RUNX1: variants seen among roughly 807,000 people sequenced by gnomAD.
The protein encoded by RUNX1 is runt-related transcription factor 1.
In RUNX1, 19 loss-of-function variants were observed where a neutral mutation model predicts 42.8. The observed-to-expected ratio is 0.44, with a 90% CI of 0.31 to 0.65. RUNX1 has a LOEUF of 0.65. RUNX1 is among the 30% of genes least tolerant of loss of function. The probability of loss-of-function intolerance (pLI) is 0.07; values close to 1 mark genes in which losing one functional copy is unlikely to be tolerated. For synonymous variants in RUNX1, 271 were observed against 289.4 expected, an observed-to-expected ratio of 0.94 and a Z score of 0.64; for missense variants, 528 against 672.0, an observed-to-expected ratio of 0.79 and a Z score of 2.37.
intron 7 of RUNX1, among the ~76,000 whole-genome samples, chr21:34,830,869 C>T (rs2057053615): frequency 6.6e-6 from 1 of 152,178 alleles, no homozygotes; most frequent in Non-Finnish European, 1.5e-5. Context: ...AGAAGAACAA[C>T]AAAATGGGCT....
intron 2 of RUNX1, among the ~76,000 whole-genome samples, chr21:34,902,585 A>G (rs1266041696): frequency 6.6e-6 from 1 of 152,234 alleles, no homozygotes; most frequent in Non-Finnish European, 1.5e-5. Context: ...TCATTCACTC[A>G]GATTCCAAAT....
intron 2 of RUNX1, among the ~76,000 whole-genome samples, chr21:34,997,275 C>T (rs2059003366): frequency 6.6e-6 from 1 of 152,206 alleles, no homozygotes; most frequent in African/African-American, 2.4e-5. Flanking sequence ...ATGATCAATA[C>T]TGAGTCTTAA....
chr21:34,807,951 A>G (rs2056703425), intron 7 of RUNX1, among the ~76,000 whole-genome samples: 1 of 152,362 alleles, frequency 6.6e-6, no homozygotes, highest in South Asian at 2.1e-4. Flanking sequence ...TTTGAGAAGC[A>G]GTGTTTCCTC....
At chr21:34,867,907 C>T (rs1188156413) in intron 5 of RUNX1, among the ~76,000 whole-genome samples, 1 of 152,198 alleles carries the variant, frequency 6.6e-6, no homozygotes, top group Non-Finnish European at 1.5e-5. Context: ...TGGGGTCACA[C>T]AGGGCAAGTG....
chr21:34,828,608 ATATGT>A (rs2057022155), intron 7 of RUNX1, among the ~76,000 whole-genome samples: 1 of 152,200 alleles, frequency 6.6e-6, no homozygotes, highest in African/African-American at 2.4e-5. Context: ...TCAAAAGTTC[ATATGT>A]TGGAAACCTG....
At chr21:34,890,218 A>AGCC (rs1460618173) in intron 3 of RUNX1, among the ~76,000 whole-genome samples, 2 of 151,538 alleles carry the variant, frequency 1.3e-5, no homozygotes, top group Non-Finnish European at 2.9e-5. Context: ...AGGGGGCAGC[A>AGCC]GCCGCCCTCC....
At chr21:34,849,432 ATT>A (rs1302642858) in intron 6 of RUNX1, among the ~76,000 whole-genome samples, 3 of 74,146 alleles carry the variant, frequency 4.0e-5, no homozygotes, top group African/African-American at 1.6e-4. Context: ...TAGTATATAT[ATT>A]ATATATATAC....
chr21:34,850,403 AG>A (rs1166980458), intron 6 of RUNX1, among the ~76,000 whole-genome samples: 1 of 152,300 alleles, frequency 6.6e-6, no homozygotes, highest in African/African-American at 2.4e-5. Context: ...GTGCTTGCAA[AG>A]CTTGGCTGCG....
At chr21:34,937,621 G>C (rs57223043) in intron 2 of RUNX1, among the ~76,000 whole-genome samples, 3,767 of 151,624 alleles carry the variant, frequency 0.025, 137 homozygotes, top group African/African-American at 0.078. Flanking sequence ...AATTGGATCA[G>C]AAAGTTTTTT....
At chr21:35,039,037 C>T (rs988421926) in intron 2 of RUNX1, among the ~76,000 whole-genome samples, 1 of 152,194 alleles carries the variant, frequency 6.6e-6, no homozygotes, top group Non-Finnish European at 1.5e-5. Context: ...GGGCCGGTTA[C>T]TCCTATGGCA....
At chr21:35,039,127 AG>A (rs2059339299) in intron 2 of RUNX1, among the ~76,000 whole-genome samples, 1 of 152,230 alleles carries the variant, frequency 6.6e-6, no homozygotes, top group African/African-American at 2.4e-5. Context: ...TGAGTTCACA[AG>A]GTGAAGGGAT....
At chr21:35,049,030 C>T in intron 1 of RUNX1, 72 bp from the exon 2 acceptor site, 1 of 799,724 alleles carries the variant, frequency 1.3e-6, no homozygotes, top group Non-Finnish European at 2.2e-6. Flanking sequence ...TCTTTCTTCT[C>T]CCCTCTGCTG....
At chr21:34,874,394 G>A (rs931471159) in intron 5 of RUNX1, among the ~76,000 whole-genome samples, 7 of 141,022 alleles carry the variant, frequency 5.0e-5, no homozygotes, top group African/African-American at 8.0e-5. Context: ...TGGACCACCC[G>A]AGATCAGGAG....
intron 2 of RUNX1, among the ~76,000 whole-genome samples, chr21:34,948,916 T>TTG (rs1035762448): frequency 1.3e-5 from 2 of 151,866 alleles, no homozygotes; most frequent in Non-Finnish European, 2.9e-5. Context: ...CAGCTACTTT[T>TTG]TGTGTGTGTG....
intron 2 of RUNX1, among the ~76,000 whole-genome samples, chr21:34,926,893 G>C (rs1442944261): frequency 6.6e-6 from 1 of 152,164 alleles, no homozygotes. Flanking sequence ...AGAAAAGTGT[G>C]AGGCAAGGAA....
chr21:34,859,662 T>G (rs917969120), intron 5 of RUNX1, 84 bp from the exon 6 acceptor site: 1 of 1,134,420 alleles, frequency 8.8e-7, no homozygotes, highest in African/African-American at 1.5e-5. Context: ...TAATTTATGC[T>G]GTCCAGCCCT....
intron 7 of RUNX1, among the ~76,000 whole-genome samples, chr21:34,815,991 A>G (rs2056820638): frequency 6.6e-6 from 1 of 152,132 alleles, no homozygotes; most frequent in South Asian, 2.1e-4. Flanking sequence ...TCCTCATCAC[A>G]AACAAGAAGG....
intron 5 of RUNX1, among the ~76,000 whole-genome samples, chr21:34,862,619 A>T (rs1797864260): frequency 6.6e-6 from 1 of 152,102 alleles, no homozygotes; most frequent in Admixed American, 6.5e-5. Flanking sequence ...GCAGCACTCT[A>T]GCCTCTGCCT....
At chr21:34,932,055 G>A (rs1195750808) in intron 2 of RUNX1, among the ~76,000 whole-genome samples, 2 of 152,192 alleles carry the variant, frequency 1.3e-5, no homozygotes, top group African/African-American at 4.8e-5. Context: ...GGTAAGGACA[G>A]TGCAGATGTG....
Sources: gnomAD v4.1 joint callset for allele counts (sites outside exome capture counted in the v4.1 genomes callset) on GRCh38, gnomAD v4.1.1 for gene constraint, MANE v1.5 for transcripts, NCBI Gene and HGNC (gene_info 2026-07-23, HGNC 2026-07-21) for gene names.